The following BCAP29 variants were observed in gnomAD, a reference collection of about 807,000 sequenced individuals.
BCAP29 encodes the protein B-cell receptor-associated protein 29.
In BCAP29, 34 loss-of-function variants were observed where a neutral mutation model predicts 31.8. The ratio of observed to expected loss-of-function variants is 1.07; its 90% confidence interval spans 0.81 to 1.42. The LOEUF is 1.42. Among genes scored for constraint, BCAP29 ranks in the 40% most tolerant of loss-of-function variants. BCAP29 has a pLI of 0.00. For synonymous variants in BCAP29, 104 were observed against 91.3 expected (o/e 1.14, Z -0.79); for missense variants, 314 against 269.2 (o/e 1.17, Z -1.16).
rs552070441 is a variant in BCAP29 at position 107,600,502 on chromosome 7, G to T, written c.586G>T (p.Asp196Tyr). The change falls in exon 6 of 8, where the codon GAT (aspartate) becomes TAT (tyrosine). Residue 196 changes from aspartate (D) to tyrosine (Y), a missense_variant. Physicochemically the swap from Asp to Tyr is radical, Grantham distance 160. Coordinates refer to ENST00000005259, the MANE Select transcript of BCAP29 (RefSeq NM_018844.4). ...KLKTELRKTS[D>Y]ALSKAQNDVM... is the part of the protein sequence containing the mutation. ...GAAAACTGAATTAAGGAAGACTTCA[G>T]ATGGTAACTTTGTGTACATGTGAAA... is the stretch of plus-strand genomic sequence containing the variant. The T allele has an allele frequency of 4.5e-6, 7 of 1,563,308 alleles. No individual in the cohort carries two copies. In the South Asian group the frequency reaches 6.7e-5, roughly 15 times the overall value.
intron 3 of BCAP29, among the ~76,000 whole-genome samples, chr7:107,588,466 A>G (rs1808114727): frequency 6.6e-6 from 1 of 152,234 alleles, no homozygotes; most frequent in Non-Finnish European, 1.5e-5. Flanking sequence ...GGCTTTGTTC[A>G]TAGCAAAACG....
intron 6 of BCAP29, among the ~76,000 whole-genome samples, chr7:107,611,641 A>G (rs929768482): frequency 6.6e-6 from 1 of 152,212 alleles, no homozygotes; most frequent in Non-Finnish European, 1.5e-5. Context: ...ACTAACGTAT[A>G]ACTCTTTATG....
chr7:107,586,410 C>T (rs1043475163), intron 3 of BCAP29, among the ~76,000 whole-genome samples: 1 of 152,156 alleles, frequency 6.6e-6, no homozygotes, highest in African/African-American at 2.4e-5. Context: ...AAGCCTGCAT[C>T]TTTGGGTAAA....
At chr7:107,610,039 A>G (rs7793613) in intron 6 of BCAP29, among the ~76,000 whole-genome samples, 112,073 of 152,088 alleles carry the variant, frequency 0.74, 41,457 homozygotes, top group South Asian at 0.84. Context: ...TACACGGTAC[A>G]TTAGTCTCAC....
At chr7:107,603,651 G>T (rs1811577574) in intron 6 of BCAP29, 1 of 145,968 alleles carries the variant, frequency 6.9e-6, no homozygotes, top group East Asian at 2.0e-4. Flanking sequence ...TGTCACCCAG[G>T]TGGGAGTGCA....
chr7:107,591,523 T>G (rs1808761440), intron 3 of BCAP29, among the ~76,000 whole-genome samples: 1 of 152,056 alleles, frequency 6.6e-6, no homozygotes, highest in Non-Finnish European at 1.5e-5. Context: ...ACCCTCCAGA[T>G]TTTAAACTTA....
intron 6 of BCAP29, among the ~76,000 whole-genome samples, chr7:107,602,826 G>C (rs528455079): frequency 6.6e-6 from 1 of 151,884 alleles, no homozygotes; most frequent in African/African-American, 2.4e-5. Context: ...AACTATTACC[G>C]GTGCTTCCGT....
intron 6 of BCAP29, among the ~76,000 whole-genome samples, chr7:107,612,419 ATATATATATATATATATATATT>A (rs1563141363): frequency 4.8e-5 from 2 of 41,718 alleles, no homozygotes; most frequent in African/African-American, 1.1e-4. Flanking sequence ...ATATATATAT[ATATATATATATATATATATATT>A]TATTTTACTT....
intron 7 of BCAP29, among the ~76,000 whole-genome samples, 188 bp from the exon 8 acceptor site, chr7:107,618,140 C>A (rs561136175): frequency 6.6e-6 from 1 of 152,192 alleles, no homozygotes; most frequent in East Asian, 1.9e-4. Flanking sequence ...CAAGAGTGTT[C>A]TTTTTCCTAA....
intron 5 of BCAP29, among the ~76,000 whole-genome samples, chr7:107,596,823 A>T (rs1809908080): frequency 6.6e-6 from 1 of 152,196 alleles, no homozygotes; most frequent in Non-Finnish European, 1.5e-5. Flanking sequence ...CTTCCTCAAA[A>T]TACTTTTGCA....
At chr7:107,613,511 C>A in intron 7 of BCAP29, 79 bp downstream of exon 7, 1 of 1,344,798 alleles carries the variant, frequency 7.4e-7, no homozygotes, top group East Asian at 2.4e-5. Context: ...GTTATTTGTC[C>A]TTAACTAATC....
intron 6 of BCAP29, among the ~76,000 whole-genome samples, chr7:107,606,026 A>G (rs1349963004): frequency 3.3e-5 from 5 of 152,224 alleles, no homozygotes; most frequent in Admixed American, 6.5e-5. Context: ...TTGTAAAAAG[A>G]ATTTAAAAAT....
chr7:107,604,366 T>C (rs1294911494), intron 6 of BCAP29, among the ~76,000 whole-genome samples: 4 of 152,126 alleles, frequency 2.6e-5, no homozygotes. Flanking sequence ...CAAGACAAGA[T>C]AGAAAATTAC....
rs374467600 is a variant in BCAP29, at chr7:107,618,383, C to G, written c.*20C>G. ...CTGTGAACTTTATAAAAGACACTTG[C>G]AATATACTGTGTCAAAATGATAATT... On this transcript the variant is annotated 3_prime_UTR_variant, in exon 8 of 8. Coordinates refer to ENST00000005259, the MANE Select transcript of BCAP29 (RefSeq NM_018844.4). The G allele has an allele frequency of 3.1e-6, 5 of 1,610,964 alleles. No homozygotes were observed. Among genetic ancestry groups the G allele is most frequent in the Non-Finnish European group, 4.2e-6 (5 of 1,177,858 alleles).
chr7:107,583,898 T>G lies in BCAP29; in HGVS notation c.109T>G (p.Ser37Ala). The change falls in exon 3 of 8, where the codon TCA becomes GCA. Residue 37 changes from serine to alanine, a missense_variant. Physicochemically the swap from Ser to Ala is moderately conservative, Grantham distance 99. Coordinates refer to ENST00000005259, the MANE Select transcript of BCAP29 (RefSeq NM_018844.4). Reference sequence around the variant, plus strand: ...GCTTTACAGATGGCAGAAGATTTTTTCATTTAATGTCTGGGGTAAAATTGC... The same window carrying G: ...GCTTTACAGATGGCAGAAGATTTTTGCATTTAATGTCTGGGGTAAAATTGC... Reference protein sequence around the residue: ...IPPQRWQKIFSFNVWGKIATF... With the variant: ...IPPQRWQKIFAFNVWGKIATF... 1 of 1,566,180 alleles carries G rather than the reference T, an allele frequency of 6.4e-7. No individual in the cohort carries two copies. Among genetic ancestry groups the G allele is most frequent in the Non-Finnish European group, 8.7e-7 (1 of 1,153,122 alleles).
At position 107,620,431 on chromosome 7, in the gene BCAP29, T is replaced by C. The variant is rs2129300680; in HGVS notation, c.*2068T>C. On this transcript the variant is annotated 3_prime_UTR_variant, in exon 8 of 8. Coordinates refer to ENST00000005259, the MANE Select transcript of BCAP29 (RefSeq NM_018844.4). ...CTAGTACTCTCCTTAATAATGGTGG[T>C]GTTTAGCAAATTGTATTACATAAAT... The C allele has an allele frequency of 6.6e-6, 1 of 152,342 alleles. No homozygotes were observed. The highest frequency in any genetic ancestry group is 1.5e-5 in the Non-Finnish European group (1 of 68,034). 9.4% of individuals were successfully genotyped at this position (152,342 alleles called of 1,614,324 possible).
rs781570409 is a variant in BCAP29 at position 107,600,427 on chromosome 7, T to C, written c.511T>C (p.Cys171Arg). Residue 171 changes from cysteine (C) to arginine (R), a missense_variant, in exon 6 of 8, where the codon TGT becomes CGT. Transcript: ENST00000005259. ...GAAAAGCCATGGTAAAGATGAAGAATGTGTTTTGGAAGCAGAAAATAAAAA... is the reference window on the plus strand; with the variant it reads ...GAAAAGCCATGGTAAAGATGAAGAACGTGTTTTGGAAGCAGAAAATAAAAA... ...ILKSHGKDEE[C>R]VLEAENKKLV... The C allele has an allele frequency of 6.8e-6, 11 of 1,609,270 alleles. No homozygotes were observed. In the South Asian group the frequency reaches 8.8e-5, roughly 13 times the overall value.
rs115120823 is a variant in BCAP29, at chr7:107,595,271, T to G, written c.345-596T>G. Among the ~76,000 whole-genome samples, 668 of 152,356 alleles carry G rather than the reference T, an allele frequency of 4.4e-3. 3 individuals carry two copies. Among genetic ancestry groups the G allele is most frequent in the African/African-American group, 0.015 (639 of 41,582 alleles). On this transcript the variant is annotated intron_variant, in intron 4 of 7. Transcript: ENST00000005259. ...GTCATTCATGGTTGTAATTAAATAC[T>G]GTTTTAACTTTTGCTTCCACAACTA...
At chr7:107,605,393 A>G (rs1297334591) in intron 6 of BCAP29, among the ~76,000 whole-genome samples, 1 of 152,188 alleles carries the variant, frequency 6.6e-6, no homozygotes, top group Admixed American at 6.5e-5. Context: ...TATGTCCATA[A>G]AGGGATTCAT....
Sources: allele counts gnomAD v4.1 joint callset (sites outside exome capture counted in the v4.1 genomes callset), GRCh38; gene constraint gnomAD v4.1.1; transcripts MANE v1.5; gene names NCBI Gene and HGNC (gene_info 2026-07-23, HGNC 2026-07-21).